The following NELL2 variants were observed in gnomAD, a reference collection of about 807,000 sequenced individuals.
NELL2 encodes the protein neural EGFL like 2.
A neutral mutation model predicts 109.6 loss-of-function variants in NELL2; 41 were observed. That is an observed-to-expected ratio of 0.37 (90% CI 0.29 to 0.49). NELL2 has a LOEUF of 0.49. Ranked by LOEUF, NELL2 falls within the 20% of genes least tolerant of loss-of-function variation. The probability of loss-of-function intolerance (pLI) is 0.98; values close to 1 mark genes in which losing one functional copy is unlikely to be tolerated. For missense variants in NELL2, 900 were observed against 1,008.3 expected (o/e 0.89, Z 1.45); for synonymous variants, 355 against 344.7 (o/e 1.03, Z -0.33).
At chr12:44,906,269 G>A (rs575948292) in intron 1 of NELL2, among the ~76,000 whole-genome samples, 1 of 152,144 alleles carries the variant, frequency 6.6e-6, no homozygotes, top group African/African-American at 2.4e-5. Context: ...ATTGGGGTTA[G>A]GAAGAGAGTA....
In NELL2 at chr12:44,898,950, T is replaced by C. The variant is rs182837526; in HGVS notation, c.38+14849A>G. Among the ~76,000 whole-genome samples the C allele has an allele frequency of 1.8e-4, 27 of 152,054 alleles. No individual in the cohort carries two copies. The East Asian group carries it at 4.5e-3, about 25-fold the overall frequency. On this transcript the variant is annotated intron_variant, in intron 1 of 20. Transcript: ENST00000333837. ...AGCTGAAAAACACAGCATGAGAACTTTGTGAAGCATACACAAGTATCAATA... is the reference window on the plus strand; with the variant it reads ...AGCTGAAAAACACAGCATGAGAACTCTGTGAAGCATACACAAGTATCAATA...
chr12:44,684,456 C>T (rs999994841), intron 12 of NELL2, among the ~76,000 whole-genome samples: 2 of 152,078 alleles, frequency 1.3e-5, no homozygotes, highest in African/African-American at 4.8e-5. Context: ...TTGCCTTCTG[C>T]TAGCTTTTGA....
At chr12:44,820,111 C>T (rs1943490467) in intron 2 of NELL2, among the ~76,000 whole-genome samples, 1 of 152,154 alleles carries the variant, frequency 6.6e-6, no homozygotes, top group Admixed American at 6.5e-5. Flanking sequence ...ATGATTGTAT[C>T]ACAGTTTTCG....
intron 16 of NELL2, 57 bp downstream of exon 16, chr12:44,532,524 T>C: frequency 1.9e-6 from 3 of 1,552,644 alleles, no homozygotes; most frequent in Non-Finnish European, 1.8e-6. Flanking sequence ...TAGCTTATGA[T>C]ATATTCCTCA....
At chr12:44,691,246 C>G (rs1239300996) in intron 12 of NELL2, among the ~76,000 whole-genome samples, 1 of 152,150 alleles carries the variant, frequency 6.6e-6, no homozygotes, top group African/African-American at 2.4e-5. Context: ...TTTCATGTCT[C>G]CATGTCACGT....
At chr12:44,509,569 C>A (rs1940892243) in intron 19 of NELL2, among the ~76,000 whole-genome samples, 1 of 152,048 alleles carries the variant, frequency 6.6e-6, no homozygotes, top group Non-Finnish European at 1.5e-5. Context: ...ACACATGCGT[C>A]CTCTCTCTCT....
At chr12:44,790,511 A>G (rs1942341724) in intron 3 of NELL2, among the ~76,000 whole-genome samples, 1 of 152,162 alleles carries the variant, frequency 6.6e-6, no homozygotes, top group Non-Finnish European at 1.5e-5. Context: ...GAAACACATC[A>G]AAACAGAACC....
chr12:44,886,874 AT>A (rs553230120), intron 1 of NELL2, among the ~76,000 whole-genome samples: 12 of 150,442 alleles, frequency 8.0e-5, no homozygotes, highest in East Asian at 3.9e-4. Context: ...TATGAGATCT[AT>A]TTTTTTTTAG....
chr12:44,876,775 CCCCTCCAGGG>C, upstream of NELL2: 1 of 1,431,588 alleles, frequency 7.0e-7, no homozygotes, highest in South Asian at 1.4e-5. Context: ...CAGGGCACTC[CCCCTCCAGGG>C]CGTGCGGAGG....
chr12:44,891,573 G>A (rs752713298), intron 1 of NELL2, among the ~76,000 whole-genome samples: 3 of 152,152 alleles, frequency 2.0e-5, no homozygotes, highest in Non-Finnish European at 4.4e-5. Context: ...TTTTTAAAGT[G>A]ATTAGATGTT....
intron 9 of NELL2, among the ~76,000 whole-genome samples, chr12:44,744,725 C>A (rs1940220162): frequency 6.6e-6 from 1 of 152,228 alleles, no homozygotes. Context: ...AATTCCTCGA[C>A]ACATACATCC....
intron 15 of NELL2, among the ~76,000 whole-genome samples, chr12:44,542,508 T>C (rs1447869318): frequency 2.6e-5 from 4 of 152,080 alleles, no homozygotes; most frequent in Non-Finnish European, 4.4e-5. Flanking sequence ...CCATGTCCAG[T>C]TGGAACCTCA....
At chr12:44,517,368 A>C (rs1555169548) in intron 19 of NELL2, among the ~76,000 whole-genome samples, 3 of 105,312 alleles carry the variant, frequency 2.8e-5, no homozygotes, top group East Asian at 3.0e-4. Flanking sequence ...CCCACCAACT[A>C]CTTTCTCTCT....
chr12:44,866,207 A>G (rs1944995504), intron 2 of NELL2, among the ~76,000 whole-genome samples: 2 of 152,226 alleles, frequency 1.3e-5, no homozygotes, highest in African/African-American at 4.8e-5. Context: ...AGCCTCCAGA[A>G]TTGTGAGAAA....
At chr12:44,813,413 T>C (rs1943242363) in intron 3 of NELL2, among the ~76,000 whole-genome samples, 1 of 152,206 alleles carries the variant, frequency 6.6e-6, no homozygotes, top group African/African-American at 2.4e-5. Context: ...ACATAATTTA[T>C]AATTTCCTAG....
intron 9 of NELL2, among the ~76,000 whole-genome samples, chr12:44,735,005 G>A (rs1043288443): frequency 3.3e-5 from 5 of 151,996 alleles, no homozygotes; most frequent in African/African-American, 1.2e-4. Flanking sequence ...TTCAACTGTT[G>A]AAAAGTTAGT....
intron 2 of NELL2, among the ~76,000 whole-genome samples, chr12:44,873,113 C>T (rs1945211436): frequency 6.6e-6 from 1 of 152,148 alleles, no homozygotes; most frequent in South Asian, 2.1e-4. Context: ...TATATGCCTA[C>T]TGAGAACATG....
intron 15 of NELL2, among the ~76,000 whole-genome samples, chr12:44,603,270 T>C (rs867475258): frequency 1.4e-4 from 22 of 152,310 alleles, no homozygotes; most frequent in Middle Eastern, 3.4e-3. Context: ...CAATTTTTTT[T>C]CAGCTTTGCC....
In NELL2 at chr12:44,795,739, T is replaced by C. The variant is rs544197466; in HGVS notation, c.336-15717A>G. Among the ~76,000 whole-genome samples the C allele has an allele frequency of 2.0e-4, 30 of 151,976 alleles. 1 individual carries two copies. The South Asian group carries it at 5.0e-3, about 25-fold the overall frequency. On this transcript the variant is annotated intron_variant, in intron 3 of 19. Transcript: ENST00000429094. ...CTCTAGTATAATGAAATATAAAGAGTGAACTACAGTGGTAGAGCCAAAATT... is the reference window on the plus strand; with the variant it reads ...CTCTAGTATAATGAAATATAAAGAGCGAACTACAGTGGTAGAGCCAAAATT...
Sources: allele counts gnomAD v4.1 joint callset (sites outside exome capture counted in the v4.1 genomes callset), GRCh38; gene constraint gnomAD v4.1.1; transcripts MANE v1.5; gene names NCBI Gene and HGNC (gene_info 2026-07-23, HGNC 2026-07-21).